The following HPSE2 variants were observed in gnomAD, a reference collection of about 807,000 sequenced individuals.
HPSE2 encodes heparanase 2 (inactive), also known as inactive heparanase-2.
In HPSE2, 38 loss-of-function variants were observed where a neutral mutation model predicts 60.5. That is an observed-to-expected ratio of 0.63 (90% CI 0.48 to 0.82). The LOEUF is 0.82. Ranked by LOEUF, HPSE2 falls within the 40% of genes least tolerant of loss-of-function variation. The pLI is 0.00. For synonymous variants in HPSE2, 295 were observed against 293.2 expected (o/e 1.01, Z -0.06); for missense variants, 713 against 740.4 (o/e 0.96, Z 0.43).
intron 3 of HPSE2, among the ~76,000 whole-genome samples, chr10:99,140,961 C>T (rs766538334): frequency 1.3e-5 from 2 of 152,188 alleles, no homozygotes; most frequent in Non-Finnish European, 2.9e-5. Context: ...CGCTTGAACC[C>T]AGGAGGCGGA....
rs115093287 is a variant in HPSE2 at position 99,192,738 on chromosome 10, A to G, written c.448+39610T>C. 2.8e-3 allele frequency among the ~76,000 whole-genome samples: 432 copies of G among 152,272 alleles called. 3 individuals are homozygous for G. Among genetic ancestry groups the G allele is most frequent in the African/African-American group, 9.9e-3 (411 of 41,552 alleles). On this transcript the variant is annotated intron_variant, in intron 2 of 11. Coordinates refer to ENST00000370552, the MANE Select transcript of HPSE2 (RefSeq NM_021828.5). The stretch of plus-strand genomic sequence containing the variant: ...AGCTACTGTGCCTGGGCAGCATTAC[A>G]TATTTAAAGTGCTAAAGAAAAAACT...
At chr10:99,022,034 C>CA (rs1957274834) in intron 3 of HPSE2, among the ~76,000 whole-genome samples, 1 of 105,492 alleles carries the variant, frequency 9.5e-6, no homozygotes, top group Admixed American at 1.2e-4. Flanking sequence ...AATGCTATCC[C>CA]TCCCCCCTCC....
chr10:99,047,763 T>C (rs1957889257), intron 3 of HPSE2: 3 of 841,960 alleles, frequency 3.6e-6, no homozygotes, highest in Non-Finnish European at 6.1e-6. Context: ...CAAAGGATGC[T>C]TCAAAAGGCA....
intron 3 of HPSE2, among the ~76,000 whole-genome samples, chr10:99,039,832 A>G (rs540411067): frequency 3.3e-5 from 5 of 152,246 alleles, no homozygotes; most frequent in Non-Finnish European, 5.9e-5. Context: ...TAAGAGTGAA[A>G]GGAAAGAAGT....
At chr10:99,212,824 T>C (rs765463685) in intron 2 of HPSE2, among the ~76,000 whole-genome samples, 2 of 152,170 alleles carry the variant, frequency 1.3e-5, no homozygotes, top group African/African-American at 4.8e-5. Flanking sequence ...GTAATATATA[T>C]GTTAATTAGC....
intron 9 of HPSE2, among the ~76,000 whole-genome samples, chr10:98,504,127 C>T (rs1591281828): frequency 6.6e-6 from 1 of 152,170 alleles, no homozygotes; most frequent in East Asian, 1.9e-4. Flanking sequence ...CCAATCTCTG[C>T]TTCAGGAATC....
At chr10:98,744,091 A>C (rs1227785270) in intron 3 of HPSE2, 35 bp from the exon 4 acceptor site, 1 of 1,597,556 alleles carries the variant, frequency 6.3e-7, no homozygotes, top group Non-Finnish European at 8.6e-7. Flanking sequence ...GTAACTTTCA[A>C]ATCAACATTC....
intron 5 of HPSE2, among the ~76,000 whole-genome samples, chr10:98,719,701 TAAAAA>T (rs562725586): frequency 9.3e-6 from 1 of 107,278 alleles, no homozygotes; most frequent in Admixed American, 1.0e-4. Context: ...GATGTTGCAT[TAAAAA>T]AAAAAAAAAA....
At chr10:99,154,059 A>G (rs979776432) in intron 2 of HPSE2, among the ~76,000 whole-genome samples, 1 of 151,596 alleles carries the variant, frequency 6.6e-6, no homozygotes, top group East Asian at 1.9e-4. Context: ...AGAAAAAAGA[A>G]TAAAAAGAAA....
chr10:99,161,218 TA>T lies in HPSE2; in HGVS notation c.449-16820del, dbSNP rs79998038. 7.5e-3 allele frequency among the ~76,000 whole-genome samples: 995 copies of T among 132,530 alleles called. 2 individuals carry two copies. Among genetic ancestry groups the T allele is most frequent in the African/African-American group, 0.012 (436 of 36,096 alleles). The allele number at this position is 132,530 out of a possible 152,430, so 86.9% of individuals were successfully genotyped here. A position where few individuals can be genotyped will look rare whatever the true frequency, so the allele number is the denominator to read the frequency against. On this transcript the variant is annotated intron_variant, in intron 2 of 11. Transcript: ENST00000370552. The stretch of plus-strand genomic sequence containing the variant: ...CCTCGGTAACAGAGTGAGACTCTGT[TA>T]AAAAAAAAAAAAAAGGACTTGTACA...
chr10:99,184,242 CA>C (rs1315518776), intron 2 of HPSE2, among the ~76,000 whole-genome samples: 1 of 151,754 alleles, frequency 6.6e-6, no homozygotes, highest in Non-Finnish European at 1.5e-5. Flanking sequence ...AAGAAAAAAG[CA>C]GCCGGGCATG....
the HPSE2 span, among the ~76,000 whole-genome samples, chr10:99,279,367 C>T: frequency 6.6e-6 from 1 of 152,062 alleles, no homozygotes; most frequent in African/African-American, 2.4e-5. Flanking sequence ...AGCATGTTGG[C>T]ACAGGAAAAA....
intron 3 of HPSE2, among the ~76,000 whole-genome samples, chr10:99,002,543 A>C (rs1956800164): frequency 6.6e-6 from 1 of 152,096 alleles, no homozygotes; most frequent in Non-Finnish European, 1.5e-5. Flanking sequence ...TCTCATACAG[A>C]CACCTTATAA....
At chr10:98,800,426 T>C (rs1046460694) in intron 3 of HPSE2, among the ~76,000 whole-genome samples, 1 of 147,786 alleles carries the variant, frequency 6.8e-6, no homozygotes. Flanking sequence ...AAATATAATA[T>C]ACATAAAATA....
the HPSE2 span, among the ~76,000 whole-genome samples, chr10:99,262,587 A>G: frequency 3.3e-5 from 5 of 152,036 alleles, no homozygotes; most frequent in African/African-American, 9.7e-5. Context: ...ATCCCATCCC[A>G]CAGCATGCTT....
chr10:99,132,227 G>GAA lies in HPSE2; in HGVS notation c.610+12010_610+12011insTT, dbSNP rs1564833201. ...AGAGAGAGAGAGAGAGAGAGAGAGA[G>GAA]AGAGAGAGAGAGAGAGAAAGAAAGA... On this transcript the variant is annotated intron_variant, in intron 3 of 11. Transcript: ENST00000370552. Among the ~76,000 whole-genome samples the GAA allele has an allele frequency of 2.3e-3, 68 of 29,998 alleles. 1 individual carries two copies. Among genetic ancestry groups the GAA allele is most frequent in the Non-Finnish European group, 7.4e-3 (56 of 7,566 alleles). 19.7% of individuals were successfully genotyped at this position (29,998 alleles called of 152,430 possible). A position where few individuals can be genotyped will look rare whatever the true frequency, so the allele number is the denominator to read the frequency against.
chr10:98,463,070 C>T (rs1940371233), intron 11 of HPSE2, among the ~76,000 whole-genome samples: 1 of 152,024 alleles, frequency 6.6e-6, no homozygotes, highest in African/African-American at 2.4e-5. Flanking sequence ...GTAGGGTAGC[C>T]AAGTCAAAAT....
chr10:98,910,187 GAC>G (rs57010649), intron 3 of HPSE2, among the ~76,000 whole-genome samples: 3,851 of 152,314 alleles, frequency 0.025, 86 homozygotes, highest in Middle Eastern at 0.082. Flanking sequence ...AGAGGAAAGA[GAC>G]TGACAGTTGT....
the HPSE2 span, among the ~76,000 whole-genome samples, chr10:99,265,447 C>T: frequency 3.9e-5 from 6 of 152,030 alleles, no homozygotes; most frequent in Admixed American, 1.3e-4. Flanking sequence ...TGGCTTGGGG[C>T]GGGGAGAGCA....
Sources: gnomAD v4.1 joint callset for allele counts (sites outside exome capture counted in the v4.1 genomes callset) on GRCh38, gnomAD v4.1.1 for gene constraint, MANE v1.5 for transcripts, NCBI Gene and HGNC (gene_info 2026-07-23, HGNC 2026-07-21) for gene names.